PDE6B: variants seen among roughly 807,000 people sequenced by gnomAD.
PDE6B encodes rod cGMP-specific 3',5'-cyclic phosphodiesterase subunit beta.
PDE6B carries 106 observed loss-of-function variants against 109.0 expected under a neutral mutation model. The observed-to-expected ratio is 0.97, with a 90% CI of 0.83 to 1.14. The LOEUF is 1.14. Ranked by LOEUF, PDE6B falls within the 50% of genes most tolerant of loss-of-function variation. The probability of loss-of-function intolerance (pLI) is 0.00; values close to 1 mark genes in which losing one functional copy is unlikely to be tolerated. For synonymous variants in PDE6B, 490 were observed against 471.3 expected (o/e 1.04, Z -0.51); for missense variants, 1,193 against 1,155.6 (o/e 1.03, Z -0.47).
At chr4:659,773 TGTGTGTGCAC>T (rs1205210796) in intron 11 of PDE6B, among the ~76,000 whole-genome samples, 2 of 152,114 alleles carry the variant, frequency 1.3e-5, no homozygotes, top group Admixed American at 6.5e-5. Context: ...TGTGTGTGCA[TGTGTGTGCAC>T]ATGGATATAT....
At chr4:655,819 A>T in intron 6 of PDE6B, 121 bp from the exon 7 acceptor site, 2 of 757,554 alleles carry the variant, frequency 2.6e-6, no homozygotes, top group Non-Finnish European at 4.8e-6. Flanking sequence ...ACCCCTGCAC[A>T]CACACGTGCA....
At position 656,271 on chromosome 4, in the gene PDE6B, T is replaced by C. The variant is rs1736228817; in HGVS notation, c.1086T>C (p.Ala362=). The change falls in exon 8 of 22, where the codon GCT becomes GCC. Residue 362 remains alanine (A), a synonymous_variant. Coordinates refer to ENST00000496514, the MANE Select transcript of PDE6B (RefSeq NM_000283.4). ...TTTGTAACATCATGAATGCTTCCGC[T>C]GACGAAATGTTCAAATTTCAGGTAT... is the stretch of plus-strand genomic sequence containing the variant. The part of the protein sequence containing the change: ...GFICNIMNAS[A]DEMFKFQEGA... 6.3e-7 allele frequency: 1 copy of C among 1,594,504 alleles called. No homozygotes were observed. The highest frequency in any genetic ancestry group is 1.7e-5 in the Admixed American group (1 of 59,990).
rs71636506 is a variant in PDE6B, at chr4:642,725, CAAAAAA to C, written c.711+6776_711+6781del. Among the ~76,000 whole-genome samples the C allele has an allele frequency of 2.8e-4, 12 of 43,336 alleles. No individual in the cohort carries two copies. The East Asian group carries it at 3.8e-3, about 14-fold the overall frequency. The allele number at this position is 43,336 out of a possible 152,430, so 28.4% of individuals were successfully genotyped here. On this transcript the variant is annotated intron_variant, in intron 3 of 21. Transcript: ENST00000496514. The stretch of plus-strand genomic sequence containing the variant: ...CCAACCTGGACAACAGACACTGTCT[CAAAAAA>C]AAAAAAAAAAAAAAAAAAAGAATGC...
chr4:668,784 A>C (rs1483131457), intron 21 of PDE6B, among the ~76,000 whole-genome samples: 6 of 8,818 alleles, frequency 6.8e-4, no homozygotes, highest in Admixed American at 1.7e-3. Context: ...TGCTGCTCCC[A>C]CTACCCCACG....
chr4:633,049 C>T lies in PDE6B; in HGVS notation c.469-1628C>T, dbSNP rs909596435. 6.6e-5 allele frequency among the ~76,000 whole-genome samples: 10 copies of T among 152,106 alleles called. No individual in the cohort carries two copies. The highest frequency in any genetic ancestry group is 3.3e-4 in the Admixed American group (5 of 15,284). On this transcript the variant is annotated intron_variant, in intron 1 of 21. Transcript: ENST00000496514. The surrounding 1 kb of genome is among the most constrained non-coding windows in gnomAD (Gnocchi z 4.5). ...CACATGGTGGCCACTGTAGCACTGA[C>T]GGCTGGTGGAGGAGACACTGTCCAA...
intron 17 of PDE6B, among the ~76,000 whole-genome samples, chr4:664,467 C>T (rs1737547608): frequency 6.6e-6 from 1 of 152,176 alleles, no homozygotes; most frequent in Non-Finnish European, 1.5e-5. Context: ...TAACTTACTT[C>T]ATTTTGACCT....
chr4:625,845 G>A lies in PDE6B; in HGVS notation c.219G>A (p.Glu73=). The change falls in exon 1 of 22, where the codon GAG becomes GAA. Residue 73 remains glutamate, a synonymous_variant. Coordinates refer to ENST00000496514, the MANE Select transcript of PDE6B (RefSeq NM_000283.4). The surrounding 1 kb of genome is among the most constrained non-coding windows in gnomAD (Gnocchi z 5.0). ...VQDMQESINM[E]RVVFKVLRRL... is the part of the protein sequence containing the mutation. ...ATATGCAGGAGAGCATCAACATGGA[G>A]CGCGTGGTCTTCAAGGTCCTGCGGC... 1 of 1,612,708 alleles carries A rather than the reference G, an allele frequency of 6.2e-7. No individual in the cohort carries two copies. The highest frequency in any genetic ancestry group is 8.5e-7 in the Non-Finnish European group (1 of 1,179,782).
Position 634,842 on chromosome 4 carries a change from G to T in PDE6B, c.621+13G>T, listed in dbSNP as rs1046024642. The T allele has an allele frequency of 6.2e-7, 1 of 1,612,446 alleles. No individual in the cohort carries two copies. Among genetic ancestry groups the T allele is most frequent in the Non-Finnish European group, 8.5e-7 (1 of 1,178,692 alleles). Reference sequence around the variant, plus strand: ...CGAAGACGAAGATGTGAGTGTGGGGGGCACCTGGGCAGCCGCGCGTCTGCC... The same window carrying T: ...CGAAGACGAAGATGTGAGTGTGGGGTGCACCTGGGCAGCCGCGCGTCTGCC... On this transcript the variant is annotated intron_variant, in intron 2 of 21. Transcript: ENST00000496514.
At position 666,710 on chromosome 4, in the gene PDE6B, C is replaced by T. The variant is rs1263355542; in HGVS notation, c.2352+96C>T. On this transcript the variant is annotated intron_variant, in intron 20 of 21. Transcript: ENST00000496514. The surrounding 1 kb of genome is among the most constrained non-coding windows in gnomAD (Gnocchi z 5.6). ...GGAGTCGCGTGGACTCACACGGGCCCGGCGGTGTCCTCACTGGAGTAGGGA... is the reference window on the plus strand; with the variant it reads ...GGAGTCGCGTGGACTCACACGGGCCTGGCGGTGTCCTCACTGGAGTAGGGA... 7 of 804,094 alleles carry T rather than the reference C, an allele frequency of 8.7e-6. No individual in the cohort carries two copies. Among genetic ancestry groups the T allele is most frequent in the Admixed American group, 7.4e-5 (4 of 53,984 alleles). The allele number at this position is 804,094 out of a possible 1,614,324, so 49.8% of individuals were successfully genotyped here. A position where few individuals can be genotyped will look rare whatever the true frequency, so the allele number is the denominator to read the frequency against.
At chr4:650,673 C>T (rs944845067) in intron 3 of PDE6B, among the ~76,000 whole-genome samples, 1 of 152,080 alleles carries the variant, frequency 6.6e-6, no homozygotes, top group Non-Finnish European at 1.5e-5. Flanking sequence ...GGAGGGGGGC[C>T]GGCAGGGAGG....
At chr4:627,271 G>A (rs953762300) in intron 1 of PDE6B, among the ~76,000 whole-genome samples, 2 of 151,778 alleles carry the variant, frequency 1.3e-5, no homozygotes, top group Non-Finnish European at 2.9e-5. Flanking sequence ...TTGGCCTCCT[G>A]AGTAGCTAGG....
At chr4:653,135 G>T (rs887501899) in intron 3 of PDE6B, 67 of 988,378 alleles carry the variant, frequency 6.8e-5, no homozygotes, top group Non-Finnish European at 7.8e-5. Flanking sequence ...GCCAGGGGGT[G>T]GAACTTCAGA....
intron 3 of PDE6B, among the ~76,000 whole-genome samples, chr4:638,327 T>G (rs1476689442): frequency 6.6e-6 from 1 of 152,156 alleles, no homozygotes; most frequent in East Asian, 1.9e-4. Flanking sequence ...TTTATTTTAT[T>G]TATTTATTTA....
In PDE6B at chr4:656,962, C is replaced by G; in HGVS notation, c.1196C>G (p.Ala399Gly). Residue 399 changes from alanine to glycine, a missense_variant, in exon 9 of 22, where the codon GCC becomes GGC. Transcript: ENST00000496514. ...VNKKEEIVGV[A>G]TFYNRKDGKP... The stretch of plus-strand genomic sequence containing the variant: ...AAGAAGGAGGAGATTGTGGGAGTCG[C>G]CACATTTTACAACAGGAAAGACGGG... 1 of 1,613,254 alleles carries G rather than the reference C, an allele frequency of 6.2e-7. No homozygotes were observed. Among genetic ancestry groups the G allele is most frequent in the Non-Finnish European group, 8.5e-7 (1 of 1,179,892 alleles).
In PDE6B at chr4:654,879, A is replaced by G. The variant is rs759797366; in HGVS notation, c.983A>G (p.Lys328Arg). 1.3e-6 allele frequency: 2 copies of G among 1,538,788 alleles called. No individual in the cohort carries two copies. The highest frequency in any genetic ancestry group is 1.8e-6 in the Non-Finnish European group (2 of 1,111,436). The stretch of plus-strand genomic sequence containing the variant: ...GTCCTCCACGGCAAGGAGGAGATCA[A>G]GGTCATTCCGTAAGTGCAGGATTTT... ...DYVLHGKEEI[K>R]VIPTPSADHW... Residue 328 changes from lysine (K) to arginine (R), a missense_variant, in exon 6 of 22, where the codon AAG becomes AGG. By Grantham distance (26) the Lys-to-Arg change is conservative. Transcript: ENST00000496514.
chr4:654,273 G>A lies in PDE6B; in HGVS notation c.927+119G>A, dbSNP rs754701719. 3 of 898,172 alleles carry A rather than the reference G, an allele frequency of 3.3e-6. No homozygotes were observed. In the South Asian group the frequency reaches 4.2e-5, roughly 13 times the overall value. 55.6% of individuals were successfully genotyped at this position (898,172 alleles called of 1,614,324 possible). A position where few individuals can be genotyped will look rare whatever the true frequency, so the allele number is the denominator to read the frequency against. On this transcript the variant is annotated intron_variant, in intron 5 of 21. Transcript: ENST00000496514. Reference sequence around the variant, plus strand: ...TTTAGGGAGGTGGGAACTGGCCGGTGGGACCCCGGGTGCCTGTCTGTGGTC... The same window carrying A: ...TTTAGGGAGGTGGGAACTGGCCGGTAGGACCCCGGGTGCCTGTCTGTGGTC...
At chr4:650,042 A>T (rs1334182459) in intron 3 of PDE6B, among the ~76,000 whole-genome samples, 1 of 152,214 alleles carries the variant, frequency 6.6e-6, no homozygotes, top group African/African-American at 2.4e-5. Flanking sequence ...GCTTCCATGC[A>T]GCCCAGAAGC....
intron 3 of PDE6B, among the ~76,000 whole-genome samples, chr4:642,193 T>C (rs1734977043): frequency 6.6e-6 from 1 of 151,562 alleles, no homozygotes; most frequent in African/African-American, 2.4e-5. Flanking sequence ...ATCACCCAGC[T>C]GGGCATGGTG....
intron 21 of PDE6B, among the ~76,000 whole-genome samples, chr4:668,498 CTATTCCCCTACCCCA>C (rs1394450920): frequency 6.0e-5 from 8 of 133,440 alleles, no homozygotes; most frequent in African/African-American, 2.1e-4. Flanking sequence ...CTACCCCATG[CTATTCCCCTACCCCA>C]TGCTAGTACC....
Sources: gnomAD v4.1 joint callset for allele counts (sites outside exome capture counted in the v4.1 genomes callset) on GRCh38, gnomAD v4.1.1 for gene constraint, Gnocchi (gnomAD v3.1) non-coding constraint, MANE v1.5 for transcripts, NCBI Gene and HGNC (gene_info 2026-07-23, HGNC 2026-07-21) for gene names.